DNAH12: variants seen among roughly 807,000 people sequenced by gnomAD.
DNAH12 encodes the protein dynein axonemal heavy chain 12.
Under a neutral mutation model 371.5 loss-of-function variants are expected in DNAH12, and 285 were observed. The observed-to-expected ratio is 0.77, with a 90% CI of 0.70 to 0.85. DNAH12 has a LOEUF of 0.85. DNAH12 is among the 40% of genes least tolerant of loss of function. The pLI is 0.00. For synonymous variants in DNAH12, 1,200 were observed against 1,213.0 expected (o/e 0.99, Z 0.22); for missense variants, 3,611 against 3,689.4 (o/e 0.98, Z 0.55).
chr3:57,408,815 T>C (rs1310781133), intron 39 of DNAH12, among the ~76,000 whole-genome samples: 1 of 152,202 alleles, frequency 6.6e-6, no homozygotes, highest in African/African-American at 2.4e-5. Context: ...TGACTCTCCA[T>C]TTCTCCTTTC....
At position 57,454,870 on chromosome 3, in the gene DNAH12, C is replaced by T. The variant is rs1415119818; in HGVS notation, c.3361G>A (p.Asp1121Asn). The change falls in exon 23 of 74, where the codon GAC (aspartate) becomes AAC (asparagine). Residue 1121 changes from aspartate to asparagine, a missense_variant. Asp to Asn is a conservative substitution (Grantham distance 23). This residue lies in a region of DNAH12 where 1,314 missense variants were observed against 1,398.7 expected (regional missense o/e 0.94). Transcript: ENST00000495027. ...RLAYPESARR[D>N]WVREWPGQVV... ...TGGCCAGGCCACTCTCGAACCCAGT[C>T]TCTTCTTGCAGATTCTGGATAAGCC... 1.2e-5 allele frequency: 18 copies of T among 1,551,036 alleles called. No individual in the cohort carries two copies. The highest frequency in any genetic ancestry group is 1.5e-5 in the Non-Finnish European group (17 of 1,146,744).
At chr3:57,416,110 G>T (rs762970636) in intron 37 of DNAH12, among the ~76,000 whole-genome samples, 15 of 151,944 alleles carry the variant, frequency 9.9e-5, no homozygotes, top group African/African-American at 2.4e-4. Flanking sequence ...TTGAGATAAG[G>T]TTTCACTCTG....
At chr3:57,362,095 T>C (rs1305978728) in intron 58 of DNAH12, among the ~76,000 whole-genome samples, 2 of 150,222 alleles carry the variant, frequency 1.3e-5, no homozygotes, top group African/African-American at 4.9e-5. Context: ...TTCCCACCTA[T>C]GAGTAAGAAC....
intron 2 of DNAH12, among the ~76,000 whole-genome samples, chr3:57,531,495 C>T (rs1015576245): frequency 3.3e-5 from 5 of 152,050 alleles, no homozygotes; most frequent in African/African-American, 1.2e-4. Context: ...GGCGTGGTGG[C>T]TCACGTCTGT....
At chr3:57,360,051 A>T (rs36146503) in intron 58 of DNAH12, among the ~76,000 whole-genome samples, 117,445 of 152,076 alleles carry the variant, frequency 0.77, 45,944 homozygotes, top group African/African-American at 0.87. Flanking sequence ...TAAATAATTA[A>T]ATCTTCCTTT....
At chr3:57,370,022 A>T (rs1309784304) in intron 55 of DNAH12, among the ~76,000 whole-genome samples, 6 of 152,184 alleles carry the variant, frequency 3.9e-5, no homozygotes, top group African/African-American at 1.4e-4. Context: ...TTCTAAGTAT[A>T]CCTTACTCTA....
Position 57,361,715 on chromosome 3 carries a change from T to A in DNAH12, c.9360+1879A>T, listed in dbSNP as rs2062940710. 4.0e-5 allele frequency among the ~76,000 whole-genome samples: 6 copies of A among 151,652 alleles called. No individual in the cohort carries two copies. The South Asian group carries it at 1.3e-3, about 32-fold the overall frequency. ...ACAGAGGTAAGACAAGCTCTCAAAT[T>A]CAATTTTCCAGAGAAGAGTCAATTA... On this transcript the variant is annotated intron_variant, in intron 58 of 73. Transcript: ENST00000495027.
chr3:57,467,373 C>T (rs1453271940), intron 17 of DNAH12, among the ~76,000 whole-genome samples: 1 of 152,122 alleles, frequency 6.6e-6, no homozygotes, highest in African/African-American at 2.4e-5. Flanking sequence ...CTGCCTGCCT[C>T]AGCCTCCCAA....
chr3:57,343,447 T>C (rs1340336167), intron 60 of DNAH12, among the ~76,000 whole-genome samples: 2 of 152,228 alleles, frequency 1.3e-5, no homozygotes, highest in Admixed American at 6.5e-5. Flanking sequence ...TTACAAGCAG[T>C]ATACTTGGTA....
At chr3:57,551,327 A>C in the DNAH12 span, among the ~76,000 whole-genome samples, 1 of 151,658 alleles carries the variant, frequency 6.6e-6, no homozygotes, top group Non-Finnish European at 1.5e-5. Context: ...GTTGGAGTGC[A>C]GTGGCGCGAT....
rs1191339214 is a variant in DNAH12, at chr3:57,302,702, C to A, written c.11190-763G>T. Reference sequence around the variant, plus strand: ...GCAATTCTCCTGCCTCAGCCTCCTGCGTAACTGAGATTGCAGGCATGCACC... The same window carrying A: ...GCAATTCTCCTGCCTCAGCCTCCTGAGTAACTGAGATTGCAGGCATGCACC... On this transcript the variant is annotated intron_variant, in intron 69 of 73. Coordinates refer to ENST00000495027, the MANE Select transcript of DNAH12 (RefSeq NM_001366028.2). 1.0e-4 allele frequency among the ~76,000 whole-genome samples: 15 copies of A among 146,884 alleles called. 1 individual carries two copies. In the East Asian group the frequency reaches 3.0e-3, roughly 29 times the overall value.
chr3:57,550,177 C>A, the DNAH12 span, among the ~76,000 whole-genome samples: 1 of 151,962 alleles, frequency 6.6e-6, no homozygotes, highest in African/African-American at 2.4e-5. Flanking sequence ...ATTAGCCAGG[C>A]ATGGCTACAT....
chr3:57,392,900 C>A (rs1308472148), intron 44 of DNAH12, among the ~76,000 whole-genome samples: 1 of 152,140 alleles, frequency 6.6e-6, no homozygotes, highest in East Asian at 1.9e-4. Context: ...ATGGAGGATG[C>A]ATTTCTCCTA....
intron 60 of DNAH12, among the ~76,000 whole-genome samples, chr3:57,345,304 C>G (rs1301618538): frequency 6.6e-6 from 1 of 151,920 alleles, no homozygotes; most frequent in Non-Finnish European, 1.5e-5. Flanking sequence ...GGGAGAACTT[C>G]CAGGAAAACT....
In DNAH12 at chr3:57,432,236, C is replaced by T. The variant is rs1368058215; in HGVS notation, c.4980+1131G>A. Among the ~76,000 whole-genome samples the T allele has an allele frequency of 4.3e-5, 6 of 139,890 alleles. No individual in the cohort carries two copies. The Admixed American group carries it at 4.6e-4, about 11-fold the overall frequency. The allele number at this position is 139,890 out of a possible 152,430, so 91.8% of individuals were successfully genotyped here. A position where few individuals can be genotyped will look rare whatever the true frequency, so the allele number is the denominator to read the frequency against. ...CCAGGTTAGAGTGCAGTGGTGTGAT[C>T]TCGGTTAACTGCAACCTCTGCCTCC... On this transcript the variant is annotated intron_variant, in intron 32 of 73. Transcript: ENST00000495027.
Position 57,470,625 on chromosome 3 carries a change from A to G in DNAH12, c.1923T>C (p.Asp641=), listed in dbSNP as rs2066339018. The G allele has an allele frequency of 6.5e-7, 1 of 1,533,608 alleles. No homozygotes were observed. Among genetic ancestry groups the G allele is most frequent in the Non-Finnish European group, 8.7e-7 (1 of 1,143,284 alleles). ...ELERMQQYVT[D]VRQLQKRIQE... is the part of the protein sequence containing the mutation. ...GAATACGTTTTTGTAGTTGTCTTACATCTGTCACATACTGAAAGTAAATAA... is the reference window on the plus strand; with the variant it reads ...GAATACGTTTTTGTAGTTGTCTTACGTCTGTCACATACTGAAAGTAAATAA... Residue 641 remains aspartate (D), a synonymous_variant, in exon 16 of 74, where the codon GAT becomes GAC. Transcript: ENST00000495027.
At position 57,309,772 on chromosome 3, in the gene DNAH12, G is replaced by T; in HGVS notation, c.10979C>A (p.Thr3660Asn). The change falls in exon 68 of 74, where the codon ACC becomes AAC. Residue 3660 changes from threonine (T) to asparagine (N), a missense_variant. Physicochemically the swap from Thr to Asn is moderately conservative, Grantham distance 65. Coordinates refer to ENST00000495027, the MANE Select transcript of DNAH12 (RefSeq NM_001366028.2). ...GGTGAGGAGCAAGGACTCAAAGAGG[G>T]TTTTTGTTTGTTGAAGATCCTTGGA... ...DISKDLQQTK[T>N]LFESLLLTQG... 6.4e-7 allele frequency: 1 copy of T among 1,551,416 alleles called. No individual in the cohort carries two copies. The highest frequency in any genetic ancestry group is 8.7e-7 in the Non-Finnish European group (1 of 1,146,884).
intron 49 of DNAH12, among the ~76,000 whole-genome samples, chr3:57,383,759 T>TTA (rs1553672120): frequency 2.3e-5 from 3 of 132,590 alleles, no homozygotes; most frequent in South Asian, 2.4e-4. Context: ...GACCCTGTCT[T>TTA]AAAAAAAAAA....
intron 65 of DNAH12, among the ~76,000 whole-genome samples, chr3:57,318,277 T>C (rs915319757): frequency 6.6e-6 from 1 of 152,110 alleles, no homozygotes; most frequent in African/African-American, 2.4e-5. Flanking sequence ...CTTCCGTAAG[T>C]TTTACAGTTT....
Sources: gnomAD v4.1 joint callset for allele counts (sites outside exome capture counted in the v4.1 genomes callset) on GRCh38, gnomAD v4.1.1 for gene constraint, gnomAD v4.1.1 regional missense constraint, MANE v1.5 for transcripts, NCBI Gene and HGNC (gene_info 2026-07-23, HGNC 2026-07-21) for gene names.